The following ELOVL4 variants were observed in gnomAD, a reference collection of about 807,000 sequenced individuals.
ELOVL4 encodes the protein very long chain fatty acid elongase 4.
In ELOVL4, 18 loss-of-function variants were observed where a neutral mutation model predicts 42.1. That is an observed-to-expected ratio of 0.43 (90% CI 0.30 to 0.63). The LOEUF (loss-of-function observed/expected upper bound fraction) is 0.63, where lower values mean the gene tolerates loss of function less well. Among genes scored for constraint, ELOVL4 ranks in the 30% least tolerant of loss-of-function variants. The pLI is 0.15. For synonymous variants in ELOVL4, 117 were observed against 127.0 expected, an observed-to-expected ratio of 0.92 and a Z score of 0.53; for missense variants, 299 against 376.2, an observed-to-expected ratio of 0.79 and a Z score of 1.70.
chr6:79,927,047 G>A (rs1774356461), intron 1 of ELOVL4, among the ~76,000 whole-genome samples: 1 of 151,964 alleles, frequency 6.6e-6, no homozygotes, highest in Non-Finnish European at 1.5e-5. Flanking sequence ...GCTGTAAATC[G>A]CATAACTTAC....
intron 1 of ELOVL4, among the ~76,000 whole-genome samples, chr6:79,931,056 A>T (rs566808363): frequency 5.9e-5 from 9 of 152,316 alleles, no homozygotes; most frequent in African/African-American, 2.2e-4. Context: ...TTTATGTAGC[A>T]TTCTTGGGAA....
intron 1 of ELOVL4, among the ~76,000 whole-genome samples, chr6:79,940,172 G>A (rs1213741695): frequency 6.6e-6 from 1 of 152,246 alleles, no homozygotes; most frequent in Admixed American, 6.5e-5. Context: ...GAATTCTGCA[G>A]TTCAAAATCA....
At chr6:79,929,881 T>C (rs189164281) in intron 1 of ELOVL4, among the ~76,000 whole-genome samples, 1 of 152,340 alleles carries the variant, frequency 6.6e-6, no homozygotes, top group East Asian at 1.9e-4. Context: ...GGGTGTTTCA[T>C]TCTTGTATTG....
chr6:79,928,724 T>A (rs1774388588), intron 1 of ELOVL4, among the ~76,000 whole-genome samples: 1 of 130,394 alleles, frequency 7.7e-6, no homozygotes, highest in South Asian at 2.6e-4. Flanking sequence ...GACTGGTGAC[T>A]GGGTTTTTTT....
At position 79,921,801 on chromosome 6, in the gene ELOVL4, A is replaced by G. The variant is rs1226847826; in HGVS notation, c.370-5T>C. On this transcript the variant is annotated splice_polypyrimidine_tract_variant and splice_region_variant and intron_variant, in intron 3 of 5. Transcript: ENST00000369816. ...CCACCACAGAGCAGCAGCTATCTGT[A>G]AAAAGGGAAAGCGTGTTATAAACAC... 1 of 1,613,640 alleles carries G rather than the reference A, an allele frequency of 6.2e-7. No individual in the cohort carries two copies. The highest frequency in any genetic ancestry group is 8.5e-7 in the Non-Finnish European group (1 of 1,179,760).
intron 4 of ELOVL4, among the ~76,000 whole-genome samples, chr6:79,920,774 T>C (rs1774239495): frequency 6.6e-6 from 1 of 152,182 alleles, no homozygotes; most frequent in Admixed American, 6.5e-5. Context: ...TAAGAGGGTC[T>C]TTTTTCCCTT....
intron 3 of ELOVL4, among the ~76,000 whole-genome samples, chr6:79,924,070 A>G (rs572825299): frequency 6.6e-6 from 1 of 152,334 alleles, no homozygotes; most frequent in South Asian, 2.1e-4. Context: ...AGTTCAATAA[A>G]TACGTAATAG....
intron 3 of ELOVL4, among the ~76,000 whole-genome samples, chr6:79,922,285 C>G (rs1465846265): frequency 6.6e-6 from 1 of 152,168 alleles, no homozygotes; most frequent in Non-Finnish European, 1.5e-5. Flanking sequence ...TCTCCCTCAC[C>G]TCTCCGACTG....
intron 5 of ELOVL4, among the ~76,000 whole-genome samples, chr6:79,917,793 C>T (rs992565839): frequency 6.6e-6 from 1 of 152,084 alleles, no homozygotes; most frequent in African/African-American, 2.4e-5. Context: ...TGCACTCCAA[C>T]TTGGGCAACA....
At chr6:79,922,250 C>T (rs1003315414) in intron 3 of ELOVL4, among the ~76,000 whole-genome samples, 2 of 149,674 alleles carry the variant, frequency 1.3e-5, no homozygotes, top group African/African-American at 2.4e-5. Flanking sequence ...TGCCTGTCTG[C>T]CCACCCTCTC....
At chr6:79,919,297 G>A in intron 5 of ELOVL4, 123 bp downstream of exon 5, 1 of 1,123,998 alleles carries the variant, frequency 8.9e-7, no homozygotes. Flanking sequence ...CTGCGATATA[G>A]CTGGAGGATA....
At chr6:79,930,671 TG>T (rs937384127) in intron 1 of ELOVL4, among the ~76,000 whole-genome samples, 1 of 152,122 alleles carries the variant, frequency 6.6e-6, no homozygotes, top group Non-Finnish European at 1.5e-5. Context: ...AAAAAAAGGT[TG>T]GGGGGCTAAA....
chr6:79,947,073 G>A (rs2127703484), intron 1 of ELOVL4, 107 bp downstream of exon 1: 1 of 915,840 alleles, frequency 1.1e-6, no homozygotes, highest in Non-Finnish European at 1.7e-6. Flanking sequence ...GCATCCGAAA[G>A]CCGCAGGGCG....
intron 1 of ELOVL4, among the ~76,000 whole-genome samples, chr6:79,928,441 A>G (rs576844828): frequency 3.7e-4 from 56 of 152,298 alleles, no homozygotes; most frequent in African/African-American, 1.3e-3. Context: ...AAAAAAAATT[A>G]AAGAAATAGG....
At chr6:79,928,553 G>C (rs1452437768) in intron 1 of ELOVL4, among the ~76,000 whole-genome samples, 1 of 151,942 alleles carries the variant, frequency 6.6e-6, no homozygotes, top group African/African-American at 2.4e-5. Context: ...GAAATTTAAA[G>C]AGAGGACTAC....
chr6:79,934,064 G>A (rs537515318), intron 1 of ELOVL4, among the ~76,000 whole-genome samples: 1 of 152,310 alleles, frequency 6.6e-6, no homozygotes, highest in South Asian at 2.1e-4. Flanking sequence ...TCGCATCTGA[G>A]CTACTTTTGG....
chr6:79,942,214 T>C (rs1266124107), intron 1 of ELOVL4, among the ~76,000 whole-genome samples: 1 of 152,190 alleles, frequency 6.6e-6, no homozygotes, highest in Admixed American at 6.5e-5. Context: ...AGGGGAATAC[T>C]GAAGGATCAA....
In ELOVL4 at chr6:79,916,583, A is replaced by G; in HGVS notation, c.*25T>C. The G allele has an allele frequency of 6.2e-7, 1 of 1,612,728 alleles. No homozygotes were observed. The highest frequency in any genetic ancestry group is 8.5e-7 in the Non-Finnish European group (1 of 1,179,894). ...GATATGGGAGTTTTTCCTCACTGTCAACAACAGTTAAGGCCCAGTTCAATT... is the reference window on the plus strand; with the variant it reads ...GATATGGGAGTTTTTCCTCACTGTCGACAACAGTTAAGGCCCAGTTCAATT... On this transcript the variant is annotated 3_prime_UTR_variant, in exon 6 of 6. Coordinates refer to ENST00000369816, the MANE Select transcript of ELOVL4 (RefSeq NM_022726.4).
chr6:79,940,935 T>C (rs576769455), intron 1 of ELOVL4, among the ~76,000 whole-genome samples: 67 of 151,964 alleles, frequency 4.4e-4, no homozygotes, highest in Non-Finnish European at 8.2e-4. Context: ...AAACAGACGC[T>C]TAAATATCTG....
Sources: gnomAD v4.1 joint callset for allele counts (sites outside exome capture counted in the v4.1 genomes callset) on GRCh38, gnomAD v4.1.1 for gene constraint, MANE v1.5 for transcripts, NCBI Gene and HGNC (gene_info 2026-07-23, HGNC 2026-07-21) for gene names.